Variants in CDKL5 observed in about 807,000 individuals in gnomAD.
CDKL5 encodes cyclin dependent kinase like 5.
A neutral mutation model predicts 61.7 loss-of-function variants in CDKL5; 8 were observed. The observed-to-expected ratio is 0.13, with a 90% CI of 0.08 to 0.23. The LOEUF is 0.23. CDKL5 is among the 10% of genes least tolerant of loss of function. The pLI, the probability that CDKL5 is intolerant of heterozygous loss-of-function variation, is 1.00. For missense variants in CDKL5, 440 were observed against 734.5 expected (o/e 0.60, Z 4.63); for synonymous variants, 275 against 272.3 (o/e 1.01, Z -0.10).
intron 1 of CDKL5, among the ~76,000 whole-genome samples, chrX:18,486,872 G>A (rs900227876): frequency 1.8e-5 from 2 of 110,727 alleles, no homozygotes; most frequent in Admixed American, 9.6e-5. Context: ...CCTTGTGGTC[G>A]AAGATATTGT....
rs756897922 is a variant in CDKL5 at position 18,440,320 on chromosome X, G to C, written c.-163+14625G>C. 2.7e-5 allele frequency among the ~76,000 whole-genome samples: 3 copies of C among 111,929 alleles called. No homozygotes were observed. In the South Asian group the frequency reaches 1.1e-3, roughly 41 times the overall value. ...TTCATCTCAGAAAAACAGTTCCTTTGTTCTTCCATAAGCAGCAACTCCTTT... is the reference window on the plus strand; with the variant it reads ...TTCATCTCAGAAAAACAGTTCCTTTCTTCTTCCATAAGCAGCAACTCCTTT... On this transcript the variant is annotated intron_variant, in intron 1 of 17. Transcript: ENST00000623535.
intron 3 of CDKL5, among the ~76,000 whole-genome samples, chrX:18,521,197 A>G (rs1317889478): frequency 8.9e-6 from 1 of 112,015 alleles, no homozygotes; most frequent in Admixed American, 9.5e-5. Flanking sequence ...GTCTATTCCA[A>G]TCCATTGAGC....
intron 1 of CDKL5, among the ~76,000 whole-genome samples, chrX:18,481,320 G>GTTTC (rs201816691): frequency 0.089 from 7,502 of 84,596 alleles, 384 homozygotes; most frequent in Non-Finnish European, 0.11. Flanking sequence ...AAGAGTCCTG[G>GTTTC]TTTCTTTCTT....
At chrX:18,532,639 A>G (rs1445765751) in intron 3 of CDKL5, among the ~76,000 whole-genome samples, 2 of 111,721 alleles carry the variant, frequency 1.8e-5, no homozygotes, top group African/African-American at 6.5e-5. Context: ...GCTTAATAGG[A>G]TTAGTTTGAG....
At chrX:18,565,164 A>G (rs769516739) in intron 4 of CDKL5, among the ~76,000 whole-genome samples, 1 of 112,250 alleles carries the variant, frequency 8.9e-6, no homozygotes, top group South Asian at 3.7e-4. Flanking sequence ...TTTAAAATCT[A>G]GACTGTTGGC....
chrX:18,484,482 G>A (rs984876351), intron 1 of CDKL5, among the ~76,000 whole-genome samples: 2 of 108,127 alleles, frequency 1.8e-5, no homozygotes, highest in African/African-American at 3.4e-5. Flanking sequence ...CATGCCCAGC[G>A]AATTTTTGTA....
intron 1 of CDKL5, among the ~76,000 whole-genome samples, chrX:18,437,932 G>C (rs1314606711): frequency 8.9e-6 from 1 of 112,085 alleles, no homozygotes; most frequent in Non-Finnish European, 1.9e-5. Context: ...TGCCTGTAAA[G>C]AATACTTTTG....
chrX:18,572,087 A>G (rs1007202161), intron 4 of CDKL5, among the ~76,000 whole-genome samples: 2 of 112,166 alleles, frequency 1.8e-5, no homozygotes, highest in Non-Finnish European at 1.9e-5. Context: ...TACAATTTTA[A>G]TGAAAAGAAA....
intron 16 of CDKL5, among the ~76,000 whole-genome samples, chrX:18,622,727 CA>C (rs1926925961): frequency 9.0e-6 from 1 of 111,180 alleles, no homozygotes; most frequent in Admixed American, 9.6e-5. Context: ...GGGCTTGCTT[CA>C]AAGCCCAAAA....
At chrX:18,566,715 A>G (rs1217280370) in intron 4 of CDKL5, among the ~76,000 whole-genome samples, 1 of 112,010 alleles carries the variant, frequency 8.9e-6, no homozygotes, top group Non-Finnish European at 1.9e-5. Flanking sequence ...GAAAACAGTT[A>G]TTGCCTGAAT....
At chrX:18,458,955 C>T (rs973087845) in intron 1 of CDKL5, among the ~76,000 whole-genome samples, 2 of 111,841 alleles carry the variant, frequency 1.8e-5, no homozygotes, top group East Asian at 5.6e-4. Flanking sequence ...ATTATTATTA[C>T]CTGTATTTCC....
intron 1 of CDKL5, among the ~76,000 whole-genome samples, chrX:18,434,037 G>A (rs1178526614): frequency 1.8e-5 from 2 of 111,819 alleles, no homozygotes; most frequent in Admixed American, 9.5e-5. Context: ...GCAAGGTACT[G>A]TAACTGCCTT....
intron 1 of CDKL5, among the ~76,000 whole-genome samples, chrX:18,448,382 T>C (rs892137420): frequency 8.9e-6 from 1 of 112,132 alleles, no homozygotes; most frequent in African/African-American, 3.2e-5. Flanking sequence ...CTCCTTGATA[T>C]AGTCTCTGCC....
intron 1 of CDKL5, among the ~76,000 whole-genome samples, chrX:18,456,441 G>T (rs1038418609): frequency 6.2e-5 from 7 of 112,242 alleles, no homozygotes; most frequent in Non-Finnish European, 1.1e-4. Flanking sequence ...TCAGTTCAGA[G>T]AATATTTTAG....
intron 1 of CDKL5, among the ~76,000 whole-genome samples, chrX:18,494,286 C>T (rs1569195229): frequency 9.0e-6 from 1 of 111,243 alleles, no homozygotes; most frequent in African/African-American, 3.3e-5. Flanking sequence ...CTTGCTCCGT[C>T]GCCCAGGCTG....
At chrX:18,627,296 C>T (rs1052344826) in intron 17 of CDKL5, 2 of 111,412 alleles carry the variant, frequency 1.8e-5, no homozygotes, top group East Asian at 2.8e-4. Context: ...TCCTTGAGTT[C>T]GTCAACATTT....
chrX:18,545,600 C>T (rs1386785861), intron 3 of CDKL5, among the ~76,000 whole-genome samples: 1 of 112,244 alleles, frequency 8.9e-6, no homozygotes. Flanking sequence ...TAAGTTTTTT[C>T]GTTCATTTGA....
intron 1 of CDKL5, among the ~76,000 whole-genome samples, chrX:18,451,615 TG>T (rs1932019289): frequency 8.9e-6 from 1 of 112,005 alleles, no homozygotes; most frequent in South Asian, 3.7e-4. Context: ...CTTGGCTCCC[TG>T]CAGCCTTGCC....
At chrX:18,587,233 T>C in intron 8 of CDKL5, among the ~76,000 whole-genome samples, 1 of 111,300 alleles carries the variant, frequency 9.0e-6, no homozygotes, top group Non-Finnish European at 1.9e-5. Flanking sequence ...TGAGGATACC[T>C]AGATTTTCAT....
Sources: gnomAD v4.1 joint callset for allele counts (sites outside exome capture counted in the v4.1 genomes callset) on GRCh38, gnomAD v4.1.1 for gene constraint, MANE v1.5 for transcripts, NCBI Gene and HGNC (gene_info 2026-07-23, HGNC 2026-07-21) for gene names.